Variants in CALN1 observed in about 807,000 individuals in gnomAD.
CALN1 encodes calneuron 1, also known as calcium-binding protein 8.
Under a neutral mutation model 30.6 loss-of-function variants are expected in CALN1, and 17 were observed. That is an observed-to-expected ratio of 0.56 (90% CI 0.38 to 0.83). The LOEUF is 0.83. Among genes scored for constraint, CALN1 ranks in the 40% least tolerant of loss-of-function variants. The probability of loss-of-function intolerance (pLI) is 0.00; values close to 1 mark genes in which losing one functional copy is unlikely to be tolerated. For missense variants in CALN1, 291 were observed against 354.9 expected (o/e 0.82, Z 1.45); for synonymous variants, 156 against 131.4 (o/e 1.19, Z -1.28).
chr7:71,963,479 A>T (rs1485063548), intron 5 of CALN1, among the ~76,000 whole-genome samples: 2 of 150,014 alleles, frequency 1.3e-5, no homozygotes, highest in Non-Finnish European at 3.0e-5. Flanking sequence ...TCATGTTTGT[A>T]TTTTTAGTAG....
intron 4 of CALN1, among the ~76,000 whole-genome samples, chr7:72,104,668 C>T (rs556253285): frequency 6.6e-6 from 1 of 152,198 alleles, no homozygotes; most frequent in South Asian, 2.1e-4. Context: ...CAAAATAATA[C>T]ACAATTTAGG....
At chr7:71,915,481 C>T (rs951715047) in intron 5 of CALN1, among the ~76,000 whole-genome samples, 2 of 152,092 alleles carry the variant, frequency 1.3e-5, no homozygotes, top group African/African-American at 4.8e-5. Flanking sequence ...TGCCTGTAAT[C>T]CCAGCACTTT....
intron 5 of CALN1, among the ~76,000 whole-genome samples, chr7:71,829,236 A>T (rs1408114557): frequency 6.6e-6 from 1 of 152,090 alleles, no homozygotes; most frequent in African/African-American, 2.4e-5. Context: ...GTAATCATGT[A>T]AGACTGGGGG....
chr7:71,953,685 G>C (rs905940427), intron 5 of CALN1, among the ~76,000 whole-genome samples: 1 of 152,060 alleles, frequency 6.6e-6, no homozygotes, highest in East Asian at 1.9e-4. Context: ...AATATTTACT[G>C]AGTGCCATTT....
intron 2 of CALN1, among the ~76,000 whole-genome samples, chr7:72,292,468 C>A (rs1386528051): frequency 1.1e-4 from 16 of 147,266 alleles, no homozygotes; most frequent in Non-Finnish European, 1.5e-4. Context: ...GTCACTATAT[C>A]ATGACCCAAT....
At chr7:71,911,047 T>C (rs879333235) in intron 5 of CALN1, among the ~76,000 whole-genome samples, 8 of 152,196 alleles carry the variant, frequency 5.3e-5, no homozygotes, top group Non-Finnish European at 8.8e-5. Context: ...TCTTGCTGTG[T>C]GAACTTCAAC....
intron 4 of CALN1, among the ~76,000 whole-genome samples, chr7:72,069,146 G>A (rs567802757): frequency 7.2e-5 from 11 of 152,300 alleles, no homozygotes; most frequent in South Asian, 4.2e-4. Flanking sequence ...AGTGGCTGGA[G>A]ACGTCCGTGC....
chr7:72,199,107 T>A (rs904083421), intron 3 of CALN1, among the ~76,000 whole-genome samples: 35 of 152,096 alleles, frequency 2.3e-4, no homozygotes, highest in Non-Finnish European at 4.3e-4. Context: ...AAAGCCCATC[T>A]CTACTAAAAA....
intron 2 of CALN1, among the ~76,000 whole-genome samples, chr7:72,398,550 G>T (rs1216802665): frequency 6.6e-6 from 1 of 152,184 alleles, no homozygotes; most frequent in African/African-American, 2.4e-5. Flanking sequence ...ATAGTGGTAG[G>T]GTTATTTAGC....
chr7:72,273,559 C>G (rs924076219), intron 3 of CALN1, among the ~76,000 whole-genome samples: 8 of 141,202 alleles, frequency 5.7e-5, no homozygotes, highest in African/African-American at 2.1e-4. Flanking sequence ...CTCACCAAGG[C>G]TCAAGTGCAA....
intron 4 of CALN1, among the ~76,000 whole-genome samples, chr7:72,092,163 C>A (rs1284403793): frequency 2.0e-5 from 3 of 151,888 alleles, no homozygotes; most frequent in Admixed American, 2.0e-4. Context: ...TTTTCTTTTC[C>A]ACAGAATCAG....
At chr7:72,050,149 T>C (rs1188152088) in intron 4 of CALN1, among the ~76,000 whole-genome samples, 1 of 152,178 alleles carries the variant, frequency 6.6e-6, no homozygotes, top group East Asian at 1.9e-4. Context: ...GTCCCTGTTT[T>C]AATAAGGCAT....
chr7:72,117,000 C>G lies in CALN1; in HGVS notation c.245-10706G>C, dbSNP rs73127977. 4.9e-3 allele frequency among the ~76,000 whole-genome samples: 745 copies of G among 152,176 alleles called. 5 individuals carry two copies. The highest frequency in any genetic ancestry group is 8.5e-3 in the Non-Finnish European group (579 of 67,994). ...AGATATCTTCAAGTGGAGGTGCTTACAGGTCGTAGGGGGATTAAAAGATTT... is the reference window on the plus strand; with the variant it reads ...AGATATCTTCAAGTGGAGGTGCTTAGAGGTCGTAGGGGGATTAAAAGATTT... On this transcript the variant is annotated intron_variant, in intron 3 of 6. Coordinates refer to ENST00000395275, the MANE Select transcript of CALN1 (RefSeq NM_031468.4).
At chr7:72,211,937 A>T (rs1191790218) in intron 3 of CALN1, among the ~76,000 whole-genome samples, 2 of 152,206 alleles carry the variant, frequency 1.3e-5, no homozygotes, top group East Asian at 3.8e-4. Flanking sequence ...AAAGCACAAT[A>T]AACTGTTTCA....
chr7:72,499,865 CTT>C, the CALN1 span, among the ~76,000 whole-genome samples: 2 of 57,714 alleles, frequency 3.5e-5, no homozygotes, highest in African/African-American at 2.0e-4. Context: ...TTCTTTCTTT[CTT>C]TCTTTCTTTC....
chr7:72,174,385 T>C (rs1789185884), intron 3 of CALN1, among the ~76,000 whole-genome samples: 1 of 152,108 alleles, frequency 6.6e-6, no homozygotes, highest in Non-Finnish European at 1.5e-5. Flanking sequence ...CTCTTAGCTA[T>C]TTACCCAAGA....
chr7:72,060,384 C>T lies in CALN1; in HGVS notation c.389-36615G>A, dbSNP rs558716168. On this transcript the variant is annotated intron_variant, in intron 4 of 6. Coordinates refer to ENST00000395275, the MANE Select transcript of CALN1 (RefSeq NM_031468.4). The stretch of plus-strand genomic sequence containing the variant: ...CATAAGAGTAGGACAAATAAAGCCT[C>T]AGCTTGCTGGACATAGGAATGAAAA... Among the ~76,000 whole-genome samples, 44 of 152,236 alleles carry T rather than the reference C, an allele frequency of 2.9e-4. No homozygotes were observed. The South Asian group carries it at 3.7e-3, about 13-fold the overall frequency.
In CALN1 at chr7:72,433,747, A is replaced by G. The variant is rs73702944; in HGVS notation, c.-226+13295T>C. 1.8e-3 allele frequency among the ~76,000 whole-genome samples: 279 copies of G among 152,290 alleles called. 1 individual carries two copies. The highest frequency in any genetic ancestry group is 6.2e-3 in the African/African-American group (257 of 41,566). On this transcript the variant is annotated intron_variant, in intron 1 of 6. Coordinates refer to the CALN1 transcript ENST00000395276. ...CGGATGCTGCTATCAACTCAAAGAT[A>G]GGTCTTATGGGCTCTGATTCAAAAT...
chr7:72,407,714 A>G (rs1390778409), intron 1 of CALN1, among the ~76,000 whole-genome samples: 1 of 152,202 alleles, frequency 6.6e-6, no homozygotes, highest in Non-Finnish European at 1.5e-5. Flanking sequence ...AGAGCAGTGC[A>G]GTAACAGACT....
Sources: allele counts gnomAD v4.1 joint callset (sites outside exome capture counted in the v4.1 genomes callset), GRCh38; gene constraint gnomAD v4.1.1; transcripts MANE v1.5; gene names NCBI Gene and HGNC (gene_info 2026-07-23, HGNC 2026-07-21).